The following PPP1R16B variants were observed in gnomAD, a reference collection of about 807,000 sequenced individuals.
The protein encoded by PPP1R16B is protein phosphatase 1 regulatory subunit 16B.
A neutral mutation model predicts 61.7 loss-of-function variants in PPP1R16B; 14 were observed. That is an observed-to-expected ratio of 0.23 (90% confidence interval 0.15 to 0.35). The LOEUF (loss-of-function observed/expected upper bound fraction) is 0.35, where lower values mean the gene tolerates loss of function less well. PPP1R16B is among the 10% of genes least tolerant of loss of function. PPP1R16B has a pLI of 1.00. For synonymous variants in PPP1R16B, 266 were observed against 305.3 expected, an observed-to-expected ratio of 0.87 and a Z score of 1.34; for missense variants, 547 against 752.5, an observed-to-expected ratio of 0.73 and a Z score of 3.19.
chr20:38,842,570 G>A (rs1456629261), intron 2 of PPP1R16B, among the ~76,000 whole-genome samples: 1 of 152,094 alleles, frequency 6.6e-6, no homozygotes, highest in Non-Finnish European at 1.5e-5. Flanking sequence ...TTTTTAAGCA[G>A]TGGAAACTTT....
rs866250566 is a variant in PPP1R16B, at chr20:38,918,483, C to T, written c.1521C>T (p.Ala507=). The part of the protein sequence containing the change: ...FLSTHLGSSM[A]RTGESSSEGK... ...GCACACACCTGGGCAGCAGCATGGC[C>T]AGGACGGGCGAGAGTAGCAGTGAAG... Residue 507 remains alanine, a synonymous_variant, in exon 11 of 11, where the codon GCC becomes GCT. Coordinates refer to ENST00000299824, the MANE Select transcript of PPP1R16B (RefSeq NM_015568.4). The surrounding 1 kb of genome is among the most constrained non-coding windows in gnomAD (Gnocchi z 5.3). 6.2e-7 allele frequency: 1 copy of T among 1,612,814 alleles called. No homozygotes were observed. Among genetic ancestry groups the T allele is most frequent in the South Asian group, 1.1e-5 (1 of 91,002 alleles).
chr20:38,820,507 G>A (rs994513983), intron 1 of PPP1R16B, among the ~76,000 whole-genome samples: 1 of 151,738 alleles, frequency 6.6e-6, no homozygotes, highest in Non-Finnish European at 1.5e-5. Context: ...GCAGTGAGCC[G>A]AGACTGTGCC....
At chr20:38,839,575 T>A (rs931446420) in intron 2 of PPP1R16B, among the ~76,000 whole-genome samples, 4 of 152,214 alleles carry the variant, frequency 2.6e-5, no homozygotes, top group African/African-American at 9.7e-5. Context: ...TCCAGGTATT[T>A]TTTTCATTTG....
At chr20:38,872,678 C>G (rs779795272) in intron 2 of PPP1R16B, 1 of 152,372 alleles carries the variant, frequency 6.6e-6, no homozygotes, top group South Asian at 2.1e-4. Flanking sequence ...GGCTAGACCA[C>G]GAACCCTGTG....
At chr20:38,906,352 G>A (rs2085443639) in intron 7 of PPP1R16B, among the ~76,000 whole-genome samples, 1 of 137,860 alleles carries the variant, frequency 7.3e-6, no homozygotes, top group Admixed American at 7.9e-5. Flanking sequence ...GGAGTGCAGT[G>A]GTGCAATCTC....
At chr20:38,881,745 C>G (rs2085205029) in intron 2 of PPP1R16B, among the ~76,000 whole-genome samples, 1 of 152,258 alleles carries the variant, frequency 6.6e-6, no homozygotes, top group Admixed American at 6.5e-5. Flanking sequence ...TTCTGGAACA[C>G]TGACCTTTAT....
chr20:38,860,126 G>A (rs2085037795), intron 2 of PPP1R16B, among the ~76,000 whole-genome samples: 1 of 152,172 alleles, frequency 6.6e-6, no homozygotes, highest in Non-Finnish European at 1.5e-5. Context: ...GTGCCACCAT[G>A]CCCAGCTAAT....
chr20:38,890,275 A>G (rs1321087760), intron 3 of PPP1R16B, among the ~76,000 whole-genome samples: 1 of 152,198 alleles, frequency 6.6e-6, no homozygotes, highest in Non-Finnish European at 1.5e-5. Flanking sequence ...TTAAGCCAAA[A>G]ATCTCTTCCT....
intron 2 of PPP1R16B, among the ~76,000 whole-genome samples, chr20:38,866,785 T>G (rs945593923): frequency 7.2e-5 from 11 of 152,152 alleles, no homozygotes; most frequent in Non-Finnish European, 1.6e-4. Context: ...AAACACAAAA[T>G]TAACCATTTA....
chr20:38,820,986 A>G (rs1180105939), intron 1 of PPP1R16B, among the ~76,000 whole-genome samples: 4 of 148,566 alleles, frequency 2.7e-5, no homozygotes. Flanking sequence ...GCTTGCAGTG[A>G]GCTGAGATCG....
intron 2 of PPP1R16B, among the ~76,000 whole-genome samples, chr20:38,846,716 T>G (rs1601252713): frequency 6.6e-6 from 1 of 152,142 alleles, no homozygotes; most frequent in African/African-American, 2.4e-5. Context: ...TAAAAGTATT[T>G]GGTTGGCCGG....
chr20:38,853,733 GTTC>G (rs555982855), intron 2 of PPP1R16B, among the ~76,000 whole-genome samples: 4 of 152,194 alleles, frequency 2.6e-5, no homozygotes, highest in Non-Finnish European at 5.9e-5. Flanking sequence ...TCCCTGGGCA[GTTC>G]TTCTGCTGGT....
rs552522200 is a variant in PPP1R16B at position 38,915,508 on chromosome 20, C to T, written c.1195-2649C>T. On this transcript the variant is annotated intron_variant, in intron 10 of 10. Transcript: ENST00000299824. ...TGTTCTATATGGTTTTTTTTTGAGA[C>T]GGAGTCTCACTTTATTGCCCAGGCT... Among the ~76,000 whole-genome samples, 25 of 151,876 alleles carry T rather than the reference C, an allele frequency of 1.6e-4. No homozygotes were observed. In the East Asian group the frequency reaches 1.7e-3, roughly 11 times the overall value.
intron 1 of PPP1R16B, among the ~76,000 whole-genome samples, chr20:38,821,296 T>C (rs1171227611): frequency 2.0e-5 from 3 of 152,222 alleles, no homozygotes; most frequent in Non-Finnish European, 4.4e-5. Context: ...GGAGGGAGAA[T>C]GTTCACATGT....
At chr20:38,856,806 C>T (rs1384646880) in intron 2 of PPP1R16B, among the ~76,000 whole-genome samples, 1 of 152,190 alleles carries the variant, frequency 6.6e-6, no homozygotes, top group South Asian at 2.1e-4. Flanking sequence ...ACATAAGAGG[C>T]GTAGCCAGGA....
At chr20:38,810,172 G>T (rs957554354) in intron 1 of PPP1R16B, among the ~76,000 whole-genome samples, 2 of 152,236 alleles carry the variant, frequency 1.3e-5, no homozygotes, top group Non-Finnish European at 2.9e-5. Flanking sequence ...TGGTAGGGCA[G>T]CCCTAGCCGG....
Position 38,836,088 on chromosome 20 carries a change from C to A in PPP1R16B, c.163C>A (p.Arg55Ser). The A allele has an allele frequency of 6.2e-7, 1 of 1,611,844 alleles. No homozygotes were observed. Among genetic ancestry groups the A allele is most frequent in the South Asian group, 1.1e-5 (1 of 90,984 alleles). ...CCGCAAGCGAAAGCATGAGCGGAAGCGCAGCACGGGCGGCCGCCGCAAGAA... is the reference window on the plus strand; with the variant it reads ...CCGCAAGCGAAAGCATGAGCGGAAGAGCAGCACGGGCGGCCGCCGCAAGAA... ...QHRKRKHERK[R>S]STGGRRKKVS... Residue 55 changes from arginine (R) to serine (S), a missense_variant, in exon 2 of 11, where the codon CGC becomes AGC. Transcript: ENST00000299824.
intron 1 of PPP1R16B, among the ~76,000 whole-genome samples, chr20:38,829,353 G>C (rs2084822631): frequency 6.6e-6 from 1 of 152,110 alleles, no homozygotes; most frequent in Non-Finnish European, 1.5e-5. Flanking sequence ...ATACTTCCTG[G>C]ATGACCTCAC....
Position 38,864,598 on chromosome 20 carries a change from G to A in PPP1R16B, c.251-24997G>A, listed in dbSNP as rs2085077445. The stretch of plus-strand genomic sequence containing the variant: ...CTGGAATTTGAACTCAAGCAGTGGT[G>A]GTTTAGAACTGAACCGCCACCGTAA... On this transcript the variant is annotated intron_variant, in intron 2 of 10. Coordinates refer to ENST00000299824, the MANE Select transcript of PPP1R16B (RefSeq NM_015568.4). 2.0e-5 allele frequency among the ~76,000 whole-genome samples: 3 copies of A among 152,148 alleles called. No homozygotes were observed. In the South Asian group the frequency reaches 6.2e-4, roughly 32 times the overall value.
Sources: allele counts gnomAD v4.1 joint callset (sites outside exome capture counted in the v4.1 genomes callset), GRCh38; gene constraint gnomAD v4.1.1; non-coding constraint Gnocchi (gnomAD v3.1); transcripts MANE v1.5; gene names NCBI Gene and HGNC (gene_info 2026-07-23, HGNC 2026-07-21).